The following CNTN3 variants were observed in gnomAD, a reference collection of about 807,000 sequenced individuals.
CNTN3 encodes contactin 3, also known as contactin-3.
In CNTN3, 60 loss-of-function variants were observed where a neutral mutation model predicts 119.1. That is an observed-to-expected ratio of 0.50 (90% confidence interval 0.41 to 0.62). The LOEUF (loss-of-function observed/expected upper bound fraction) is 0.62. Ranked by LOEUF, CNTN3 falls within the 20% of genes least tolerant of loss-of-function variation. The pLI is 0.00. For synonymous variants in CNTN3, 450 were observed against 438.7 expected (o/e 1.03, Z -0.32); for missense variants, 1,101 against 1,242.4 (o/e 0.89, Z 1.71).
At chr3:74,554,922 T>C (rs940776444) in intron 1 of CNTN3, among the ~76,000 whole-genome samples, 1 of 152,202 alleles carries the variant, frequency 6.6e-6, no homozygotes, top group Non-Finnish European at 1.5e-5. Flanking sequence ...CTTGCCTGAC[T>C]GTCCTGGCCA....
At chr3:74,528,485 G>A (rs1385317316) in intron 1 of CNTN3, among the ~76,000 whole-genome samples, 3 of 151,858 alleles carry the variant, frequency 2.0e-5, no homozygotes, top group Non-Finnish European at 4.4e-5. Flanking sequence ...AGCTTGACAT[G>A]TATGTAGGTG....
intron 19 of CNTN3, among the ~76,000 whole-genome samples, chr3:74,288,154 C>CTTTTTTTTTTTTTTT (rs1299127961): frequency 1.1e-5 from 1 of 88,264 alleles, no homozygotes. Context: ...CTTTTCTTTT[C>CTTTTTTTTTTTTTTT]TTTTCTTTTT....
rs1440031245 is a variant in CNTN3 at position 74,399,105 on chromosome 3, CCTAT to C, written c.454+25736_454+25739del. ...GCTATAGAGAACTGGAATTTATTCT[CCTAT>C]CTAACTGTAAGTTTTTTTTTAATCT... On this transcript the variant is annotated intron_variant, in intron 5 of 22. Transcript: ENST00000263665. Among the ~76,000 whole-genome samples, 3 of 152,056 alleles carry C rather than the reference CCTAT, an allele frequency of 2.0e-5. No individual in the cohort carries two copies. In the East Asian group the frequency reaches 5.8e-4, roughly 29 times the overall value.
At chr3:74,552,711 G>A (rs528163532) in intron 1 of CNTN3, among the ~76,000 whole-genome samples, 3 of 152,124 alleles carry the variant, frequency 2.0e-5, no homozygotes, top group Non-Finnish European at 4.4e-5. Context: ...TGTACAAAAG[G>A]GGAGTTGACT....
At chr3:74,552,810 C>T (rs1017289472) in intron 1 of CNTN3, among the ~76,000 whole-genome samples, 1 of 151,564 alleles carries the variant, frequency 6.6e-6, no homozygotes, top group Non-Finnish European at 1.5e-5. Context: ...GACAGTTCCT[C>T]CTTCACAAGC....
chr3:74,318,731 G>A (rs1101693), intron 13 of CNTN3, among the ~76,000 whole-genome samples: 11,169 of 152,126 alleles, frequency 0.073, 468 homozygotes, highest in East Asian at 0.14. Flanking sequence ...TGTCTCAGAG[G>A]AGTACCTGGC....
At chr3:74,401,592 A>G (rs1164562569) in intron 5 of CNTN3, among the ~76,000 whole-genome samples, 1 of 152,132 alleles carries the variant, frequency 6.6e-6, no homozygotes, top group Non-Finnish European at 1.5e-5. Flanking sequence ...TAACAGTCAT[A>G]AGAATAATGC....
At chr3:74,359,428 T>A (rs1480408865) in intron 11 of CNTN3, among the ~76,000 whole-genome samples, 1 of 152,168 alleles carries the variant, frequency 6.6e-6, no homozygotes, top group East Asian at 1.9e-4. Flanking sequence ...ACATAGCTGA[T>A]CTAATGACAC....
chr3:74,468,673 A>G (rs1702507078), intron 4 of CNTN3, among the ~76,000 whole-genome samples: 1 of 152,190 alleles, frequency 6.6e-6, no homozygotes, highest in African/African-American at 2.4e-5. Context: ...AAAATACACT[A>G]AACTATCAAT....
chr3:74,551,400 G>A (rs1484730203), intron 1 of CNTN3, among the ~76,000 whole-genome samples: 1 of 152,012 alleles, frequency 6.6e-6, no homozygotes, highest in African/African-American at 2.4e-5. Context: ...CAACACACAT[G>A]CACACATCCT....
At chr3:74,283,278 G>A (rs1429217032) in intron 20 of CNTN3, among the ~76,000 whole-genome samples, 1 of 152,022 alleles carries the variant, frequency 6.6e-6, no homozygotes, top group African/African-American at 2.4e-5. Context: ...TCTAAAGTAA[G>A]CATGCTAATA....
At chr3:74,515,134 C>A (rs564603764) in intron 2 of CNTN3, among the ~76,000 whole-genome samples, 1 of 151,916 alleles carries the variant, frequency 6.6e-6, no homozygotes, top group South Asian at 2.1e-4. Context: ...TCAAGGGATA[C>A]CCCACAGGAT....
intron 2 of CNTN3, among the ~76,000 whole-genome samples, chr3:74,504,772 C>T (rs1372606653): frequency 9.1e-6 from 1 of 109,660 alleles, no homozygotes; most frequent in African/African-American, 3.0e-5. Flanking sequence ...ATACTTTCCA[C>T]AACTCTTTGT....
chr3:74,338,422 A>G (rs1467874358), intron 11 of CNTN3, among the ~76,000 whole-genome samples: 1 of 151,874 alleles, frequency 6.6e-6, no homozygotes, highest in Admixed American at 6.6e-5. Flanking sequence ...GTGTATACAT[A>G]TATGTGTATA....
Position 74,299,851 on chromosome 3 carries a change from G to A in CNTN3, c.2166+17C>T, listed in dbSNP as rs1307205028. 1 of 1,600,078 alleles carries A rather than the reference G, an allele frequency of 6.2e-7. No individual in the cohort carries two copies. The highest frequency in any genetic ancestry group is 2.3e-5 in the East Asian group (1 of 44,394). ...ACAGCAAGACCCTGATGGGGAAGAT[G>A]CTGCCCAAACACTTACATCCCAGGT... On this transcript the variant is annotated intron_variant, in intron 17 of 22. Coordinates refer to ENST00000263665, the MANE Select transcript of CNTN3 (RefSeq NM_020872.3).
In CNTN3 at chr3:74,263,781, T is replaced by C. The variant is rs1701619155; in HGVS notation, c.*620A>G. ...TAGGTATTATTATCTCCATATTTTA[T>C]AGAGGAATAATTGAGAGGTACAGAT... On this transcript the variant is annotated 3_prime_UTR_variant, in exon 23 of 23. Transcript: ENST00000263665. 6.6e-6 allele frequency: 1 copy of C among 152,088 alleles called. No individual in the cohort carries two copies. Among genetic ancestry groups the C allele is most frequent in the South Asian group, 2.1e-4 (1 of 4,828 alleles). 9.4% of individuals were successfully genotyped at this position (152,088 alleles called of 1,614,324 possible).
intron 20 of CNTN3, among the ~76,000 whole-genome samples, chr3:74,271,732 C>T (rs533475759): frequency 6.6e-6 from 1 of 152,136 alleles, no homozygotes; most frequent in Non-Finnish European, 1.5e-5. Context: ...TAATTATTAA[C>T]ATTTGTAACT....
At chr3:74,434,598 T>C (rs1223061607) in intron 4 of CNTN3, among the ~76,000 whole-genome samples, 1 of 152,194 alleles carries the variant, frequency 6.6e-6, no homozygotes, top group Admixed American at 6.5e-5. Context: ...GTGCAATCCC[T>C]TGGCTGATTC....
At chr3:74,473,967 T>G (rs983141740) in intron 4 of CNTN3, among the ~76,000 whole-genome samples, 2 of 152,172 alleles carry the variant, frequency 1.3e-5, no homozygotes, top group African/African-American at 4.8e-5. Context: ...ATTGGAGGTT[T>G]TGTCCAGGGA....
Sources: gnomAD v4.1 joint callset for allele counts (sites outside exome capture counted in the v4.1 genomes callset) on GRCh38, gnomAD v4.1.1 for gene constraint, MANE v1.5 for transcripts, NCBI Gene and HGNC (gene_info 2026-07-23, HGNC 2026-07-21) for gene names.